Variants in GORAB observed in about 807,000 individuals in gnomAD.
GORAB encodes RAB6-interacting golgin.
Under a neutral mutation model 29.9 loss-of-function variants are expected in GORAB, and 17 were observed. The observed-to-expected ratio is 0.57, with a 90% CI of 0.39 to 0.85. The LOEUF (loss-of-function observed/expected upper bound fraction) is 0.85, where lower values mean the gene tolerates loss of function less well. Ranked by LOEUF, GORAB falls within the 40% of genes least tolerant of loss-of-function variation. The probability of loss-of-function intolerance (pLI) is 0.00; values close to 1 mark genes in which losing one functional copy is unlikely to be tolerated. For missense variants in GORAB, 442 were observed against 437.8 expected (o/e 1.01, Z -0.09); for synonymous variants, 183 against 157.2 (o/e 1.16, Z -1.23).
At chr1:170,551,623 T>C (rs943618690) in intron 4 of GORAB, among the ~76,000 whole-genome samples, 1 of 152,200 alleles carries the variant, frequency 6.6e-6, no homozygotes, top group Admixed American at 6.5e-5. Flanking sequence ...AATATCACGT[T>C]GGTGGCTTGA....
chr1:170,540,793 T>A (rs1286427909), intron 2 of GORAB, among the ~76,000 whole-genome samples: 1 of 152,194 alleles, frequency 6.6e-6, no homozygotes, highest in Non-Finnish European at 1.5e-5. Context: ...GGAGAAATTT[T>A]GAGGTTTTAA....
At chr1:170,534,893 G>A (rs1648960106) in intron 1 of GORAB, among the ~76,000 whole-genome samples, 1 of 152,138 alleles carries the variant, frequency 6.6e-6, no homozygotes, top group Admixed American at 6.5e-5. Flanking sequence ...CAGGGAGAGG[G>A]AATTTCAGAG....
At chr1:170,541,826 A>G (rs1298583088) in intron 2 of GORAB, among the ~76,000 whole-genome samples, 2 of 152,036 alleles carry the variant, frequency 1.3e-5, no homozygotes, top group African/African-American at 4.8e-5. Context: ...AAAATGTCCA[A>G]GTTGGGCTGG....
rs1360813491 is a variant in GORAB, at chr1:170,539,553, A to G, written c.405A>G (p.Lys135=). ...LPPKPDCKLE[K]KKVELQEKSR... ...CAAAGCCAGATTGCAAATTGGAGAA[A>G]AAGAAAGTGGAATTGTTAGTAAGTC... Residue 135 remains lysine, a synonymous_variant, in exon 2 of 5, where the codon AAA becomes AAG. Coordinates refer to ENST00000367763, the MANE Select transcript of GORAB (RefSeq NM_152281.3). The G allele has an allele frequency of 1.2e-6, 2 of 1,614,080 alleles. No homozygotes were observed. Among genetic ancestry groups the G allele is most frequent in the Admixed American group, 3.3e-5 (2 of 60,020 alleles).
rs571000747 is a variant in GORAB at position 170,542,566 on chromosome 1, T to C, written c.495T>C (p.Ala165=). The C allele has an allele frequency of 1.9e-6, 3 of 1,613,546 alleles. No individual in the cohort carries two copies. Among genetic ancestry groups the C allele is most frequent in the African/African-American group, 2.7e-5 (2 of 74,992 alleles). The stretch of plus-strand genomic sequence containing the variant: ...AAGAGAAAAATAAACGTAAAAAAGC[T>C]CTTTTGGCTAAAGCTATTGCAGAAA... ...LMEEKNKRKK[A]LLAKAIAERS... Residue 165 remains alanine, a synonymous_variant, in exon 3 of 5, where the codon GCT becomes GCC. Transcript: ENST00000367763.
At chr1:170,535,052 C>T (rs1327294843) in intron 1 of GORAB, among the ~76,000 whole-genome samples, 2 of 152,144 alleles carry the variant, frequency 1.3e-5, no homozygotes, top group African/African-American at 2.4e-5. Flanking sequence ...ACAGTCACTC[C>T]GTTTTTTGGT....
chr1:170,552,797 A>T lies in GORAB; in HGVS notation c.*335A>T, dbSNP rs1157507939. On this transcript the variant is annotated 3_prime_UTR_variant, in exon 5 of 5. Coordinates refer to ENST00000367763, the MANE Select transcript of GORAB (RefSeq NM_152281.3). ...ATATAGAAAAGTAAAATGGAAAATG[A>T]TACTCAATACCTAGTTAAACTCATT... 6 of 459,494 alleles carry T rather than the reference A, an allele frequency of 1.3e-5. No individual in the cohort carries two copies. The highest frequency in any genetic ancestry group is 1.2e-4 in the African/African-American group (6 of 50,244). 28.5% of individuals were successfully genotyped at this position (459,494 alleles called of 1,614,324 possible). A position where few individuals can be genotyped will look rare whatever the true frequency, so the allele number is the denominator to read the frequency against.
intron 1 of GORAB, among the ~76,000 whole-genome samples, chr1:170,536,928 G>T (rs1207439273): frequency 6.6e-6 from 1 of 152,192 alleles, no homozygotes; most frequent in Non-Finnish European, 1.5e-5. Context: ...TGATTCAAAT[G>T]ATAGTTTTCT....
rs1571244884 is a variant in GORAB at position 170,539,745 on chromosome 1, A to G, written c.419+178A>G. 7 of 644,864 alleles carry G rather than the reference A, an allele frequency of 1.1e-5. No homozygotes were observed. The East Asian group carries it at 2.0e-4, about 18-fold the overall frequency. 39.9% of individuals were successfully genotyped at this position (644,864 alleles called of 1,614,324 possible). A position where few individuals can be genotyped will look rare whatever the true frequency, so the allele number is the denominator to read the frequency against. ...TAGCTACTGCCTAAATATAAGCTGG[A>G]CACAGGCATTCTGTATGTTTTATGT... On this transcript the variant is annotated intron_variant, in intron 2 of 4. Transcript: ENST00000367763.
intron 2 of GORAB, 40 bp from the exon 3 acceptor site, chr1:170,542,451 T>C: frequency 7.8e-7 from 1 of 1,286,686 alleles, no homozygotes; most frequent in Non-Finnish European, 1.1e-6. Context: ...AGTTTCTTTT[T>C]CTTTCATAAA....
intron 2 of GORAB, 36 bp from the exon 3 acceptor site, chr1:170,542,455 T>C (rs1384136534): frequency 7.4e-7 from 1 of 1,343,810 alleles, no homozygotes. Flanking sequence ...TCTTTTTCTT[T>C]CATAAACTCA....
chr1:170,550,518 A>T (rs1349115185), intron 4 of GORAB, among the ~76,000 whole-genome samples: 1 of 152,242 alleles, frequency 6.6e-6, no homozygotes, highest in Admixed American at 6.5e-5. Flanking sequence ...TACCTGAGCT[A>T]GTTTGACTGG....
rs573707487 is a variant in GORAB, at chr1:170,552,568, T to G, written c.*106T>G. The G allele has an allele frequency of 1.3e-4, 125 of 959,614 alleles. No homozygotes were observed. The African/African-American group carries it at 1.8e-3, about 14-fold the overall frequency. 59.4% of individuals were successfully genotyped at this position (959,614 alleles called of 1,614,324 possible). On this transcript the variant is annotated 3_prime_UTR_variant, in exon 5 of 5. Coordinates refer to ENST00000367763, the MANE Select transcript of GORAB (RefSeq NM_152281.3). ...AAACCTCTTTAAAACAATGCTGATT[T>G]TTGAATTCATGATTAGTTTTAGTAA...
chr1:170,551,357 G>A (rs1052005938), intron 4 of GORAB, among the ~76,000 whole-genome samples: 1 of 152,150 alleles, frequency 6.6e-6, no homozygotes, highest in Non-Finnish European at 1.5e-5. Context: ...TTTTCTACTT[G>A]ATGTTTACTT....
chr1:170,543,046 A>G (rs1649531442), intron 3 of GORAB, among the ~76,000 whole-genome samples: 1 of 152,174 alleles, frequency 6.6e-6, no homozygotes, highest in African/African-American at 2.4e-5. Context: ...TTCTTAAATA[A>G]TTTGCCCCGC....
At position 170,547,767 on chromosome 1, in the gene GORAB, G is replaced by GA. The variant is rs1649849808; in HGVS notation, c.662+2923dup. On this transcript the variant is annotated intron_variant, in intron 4 of 4. Transcript: ENST00000367763. ...GACTCACAAACATAAAAAGCTGAGA[G>GA]AGTATAGTTACATCCTTGTAGCAAC... Among the ~76,000 whole-genome samples the GA allele has an allele frequency of 2.0e-5, 3 of 152,322 alleles. No individual in the cohort carries two copies. The South Asian group carries it at 6.2e-4, about 32-fold the overall frequency.
chr1:170,541,590 A>G (rs1032340394), intron 2 of GORAB, among the ~76,000 whole-genome samples: 1 of 152,052 alleles, frequency 6.6e-6, no homozygotes, highest in Non-Finnish European at 1.5e-5. Flanking sequence ...TTGGGAATAG[A>G]GGTATGTGAT....
intron 4 of GORAB, among the ~76,000 whole-genome samples, chr1:170,550,877 C>A (rs1037900765): frequency 1.6e-4 from 24 of 152,084 alleles, no homozygotes; most frequent in African/African-American, 5.8e-4. Context: ...AGAAAAGCAA[C>A]AAATTTTATA....
intron 3 of GORAB, among the ~76,000 whole-genome samples, chr1:170,543,500 T>C (rs1438751522): frequency 2.0e-5 from 3 of 152,148 alleles, no homozygotes; most frequent in African/African-American, 7.2e-5. Flanking sequence ...TGAGTGTAGT[T>C]GAGAAATGGT....
Sources: gnomAD v4.1 joint callset for allele counts (sites outside exome capture counted in the v4.1 genomes callset) on GRCh38, gnomAD v4.1.1 for gene constraint, MANE v1.5 for transcripts, NCBI Gene and HGNC (gene_info 2026-07-23, HGNC 2026-07-21) for gene names.